Variants in PLEKHA7 observed in about 807,000 individuals in gnomAD.
PLEKHA7 encodes pleckstrin homology domain containing A7.
Under a neutral mutation model 170.0 loss-of-function variants are expected in PLEKHA7, and 104 were observed. That is an observed-to-expected ratio of 0.61 (90% CI 0.52 to 0.72). The LOEUF (loss-of-function observed/expected upper bound fraction) is 0.72, where lower values mean the gene tolerates loss of function less well. PLEKHA7 is among the 30% of genes least tolerant of loss of function. PLEKHA7 has a pLI of 0.00. For missense variants in PLEKHA7, 1,615 were observed against 1,671.7 expected (o/e 0.97, Z 0.59); for synonymous variants, 648 against 660.8 (o/e 0.98, Z 0.30).
At chr11:16,856,775 T>G (rs1444591127) in intron 4 of PLEKHA7, among the ~76,000 whole-genome samples, 1 of 152,206 alleles carries the variant, frequency 6.6e-6, no homozygotes, top group Non-Finnish European at 1.5e-5. Context: ...TACCTATCCC[T>G]GGACAGCTGG....
intron 4 of PLEKHA7, among the ~76,000 whole-genome samples, chr11:16,867,001 T>A (rs886100095): frequency 6.6e-6 from 1 of 151,524 alleles, no homozygotes; most frequent in African/African-American, 2.4e-5. Flanking sequence ...TTTCTTTTAT[T>A]CCCATAGAAG....
chr11:16,814,290 T>C (rs376458200), intron 12 of PLEKHA7, among the ~76,000 whole-genome samples: 9 of 152,320 alleles, frequency 5.9e-5, no homozygotes, highest in East Asian at 1.9e-4. Flanking sequence ...CAACTGATGA[T>C]AGTTTTTCAC....
At chr11:16,843,283 G>A (rs1048487177) in intron 8 of PLEKHA7, among the ~76,000 whole-genome samples, 6 of 152,220 alleles carry the variant, frequency 3.9e-5, no homozygotes, top group African/African-American at 1.4e-4. Flanking sequence ...CAGACCCCAT[G>A]CAAGGACCAG....
intron 3 of PLEKHA7, among the ~76,000 whole-genome samples, chr11:16,998,861 A>G (rs1032854482): frequency 6.6e-6 from 1 of 151,940 alleles, no homozygotes; most frequent in Non-Finnish European, 1.5e-5. Flanking sequence ...AAATCTTGCC[A>G]AACACTTTCT....
chr11:16,997,650 C>CTA (rs1265497716), intron 3 of PLEKHA7, among the ~76,000 whole-genome samples: 4 of 152,202 alleles, frequency 2.6e-5, no homozygotes, highest in Non-Finnish European at 4.4e-5. Flanking sequence ...CCAGCACAGC[C>CTA]TATACCCTCC....
chr11:16,794,038 C>T (rs1193728881), intron 19 of PLEKHA7, among the ~76,000 whole-genome samples: 1 of 152,184 alleles, frequency 6.6e-6, no homozygotes, highest in Non-Finnish European at 1.5e-5. Context: ...CCTCACAACC[C>T]AGCCCAGTGC....
intron 4 of PLEKHA7, among the ~76,000 whole-genome samples, chr11:16,867,000 T>C (rs1854448244): frequency 6.6e-6 from 1 of 152,116 alleles, no homozygotes; most frequent in African/African-American, 2.4e-5. Context: ...TTTTCTTTTA[T>C]TCCCATAGAA....
At chr11:16,810,757 C>CA (rs1024570066) in intron 13 of PLEKHA7, among the ~76,000 whole-genome samples, 3 of 152,184 alleles carry the variant, frequency 2.0e-5, no homozygotes, top group Non-Finnish European at 4.4e-5. Context: ...CTCAGCTCCA[C>CA]AAAAACATAA....
At chr11:16,936,422 A>AAAAAT in intron 3 of PLEKHA7, among the ~76,000 whole-genome samples, 1 of 147,458 alleles carries the variant, frequency 6.8e-6, no homozygotes, top group South Asian at 2.3e-4. Flanking sequence ...AAAAAAAAAA[A>AAAAAT]AAAATCAGGT....
intron 3 of PLEKHA7, among the ~76,000 whole-genome samples, chr11:16,888,278 G>A (rs1302219670): frequency 6.6e-6 from 1 of 151,634 alleles, no homozygotes; most frequent in Non-Finnish European, 1.5e-5. Context: ...GGCAGTCCCT[G>A]CCCGGCTGCC....
At chr11:16,841,968 T>TG (rs1316923557) in intron 8 of PLEKHA7, among the ~76,000 whole-genome samples, 1 of 152,210 alleles carries the variant, frequency 6.6e-6, no homozygotes, top group Admixed American at 6.5e-5. Flanking sequence ...ATCTTACTCC[T>TG]GCTTTGGGAG....
intron 3 of PLEKHA7, among the ~76,000 whole-genome samples, chr11:16,927,472 CCCCACAA>C (rs1859640665): frequency 6.6e-6 from 1 of 152,150 alleles, no homozygotes; most frequent in Non-Finnish European, 1.5e-5. Context: ...CCCCACCCTC[CCCCACAA>C]CCCAGCCACC....
chr11:16,987,461 C>T lies in PLEKHA7; in HGVS notation c.221+26528G>A, dbSNP rs1234323533. Among the ~76,000 whole-genome samples the T allele has an allele frequency of 2.6e-5, 4 of 152,270 alleles. No homozygotes were observed. The East Asian group carries it at 5.8e-4, about 22-fold the overall frequency. The stretch of plus-strand genomic sequence containing the variant: ...AGGCAGAACCAGGAGAAATGGCTTC[C>T]GAGTAGAGACGCACCCTTGAGGCGT... On this transcript the variant is annotated intron_variant, in intron 3 of 26. Transcript: ENST00000531066.
intron 3 of PLEKHA7, among the ~76,000 whole-genome samples, chr11:16,883,236 G>A (rs1047819464): frequency 6.6e-6 from 1 of 152,136 alleles, no homozygotes; most frequent in Non-Finnish European, 1.5e-5. Context: ...GGCAAGCTTC[G>A]AAGACTCACA....
chr11:16,794,791 G>C, intron 18 of PLEKHA7, 77 bp from the exon 19 acceptor site: 1 of 1,541,964 alleles, frequency 6.5e-7, no homozygotes. Flanking sequence ...GAGTAATTTA[G>C]CACCTCGAAG....
intron 3 of PLEKHA7, among the ~76,000 whole-genome samples, chr11:16,974,236 C>A (rs565223014): frequency 1.3e-5 from 2 of 148,344 alleles, no homozygotes; most frequent in East Asian, 4.0e-4. Context: ...CACCACACTC[C>A]AGCCTGGGTG....
chr11:16,964,959 ATGTGT>A (rs1046565140), intron 3 of PLEKHA7, among the ~76,000 whole-genome samples: 25 of 151,880 alleles, frequency 1.6e-4, no homozygotes, highest in Admixed American at 2.6e-4. Flanking sequence ...ATGAGCATAC[ATGTGT>A]TGGGGCAAAT....
chr11:16,883,031 C>G (rs34760218), intron 3 of PLEKHA7, among the ~76,000 whole-genome samples: 5,558 of 152,174 alleles, frequency 0.037, 179 homozygotes, highest in African/African-American at 0.078. Context: ...GAGTCAAGGG[C>G]CGTTCTAAGA....
intron 3 of PLEKHA7, among the ~76,000 whole-genome samples, chr11:16,990,786 C>T (rs1863999444): frequency 6.6e-6 from 1 of 152,226 alleles, no homozygotes; most frequent in Admixed American, 6.5e-5. Flanking sequence ...TCCTTCTGGT[C>T]TATCACATCC....
Sources: allele counts gnomAD v4.1 joint callset (sites outside exome capture counted in the v4.1 genomes callset), GRCh38; gene constraint gnomAD v4.1.1; transcripts MANE v1.5; gene names NCBI Gene and HGNC (gene_info 2026-07-23, HGNC 2026-07-21).